Variants in ATP10B observed in about 807,000 individuals in gnomAD.
ATP10B encodes ATPase phospholipid transporting 10B (putative), also known as phospholipid-transporting ATPase VB.
In ATP10B, 122 loss-of-function variants were observed where a neutral mutation model predicts 141.2. That is an observed-to-expected ratio of 0.86 (90% confidence interval 0.75 to 1.00). ATP10B has a LOEUF of 1.00. Among genes scored for constraint, ATP10B ranks in the 50% least tolerant of loss-of-function variants. The probability of loss-of-function intolerance (pLI) is 0.00; values close to 1 mark genes in which losing one functional copy is unlikely to be tolerated. For missense variants in ATP10B, 1,876 were observed against 1,825.3 expected (o/e 1.03, Z -0.51); for synonymous variants, 685 against 692.0 (o/e 0.99, Z 0.16).
intron 24 of ATP10B, among the ~76,000 whole-genome samples, chr5:160,571,285 C>A (rs1159632358): frequency 2.0e-5 from 3 of 152,098 alleles, no homozygotes; most frequent in Non-Finnish European, 4.4e-5. Flanking sequence ...CCAAATACTT[C>A]TTTTGACCAA....
the ATP10B span, among the ~76,000 whole-genome samples, chr5:160,872,183 A>T: frequency 6.6e-6 from 1 of 152,030 alleles, no homozygotes; most frequent in Non-Finnish European, 1.5e-5. Context: ...CCATTTGTAT[A>T]TCTTCTTTTG....
chr5:160,707,877 C>T (rs564614102), intron 3 of ATP10B, among the ~76,000 whole-genome samples: 2 of 152,152 alleles, frequency 1.3e-5, no homozygotes, highest in Non-Finnish European at 2.9e-5. Flanking sequence ...AGCAGCACAT[C>T]GATAAATCAA....
intron 1 of ATP10B, among the ~76,000 whole-genome samples, chr5:160,820,366 A>G (rs1279353493): frequency 6.6e-6 from 1 of 152,104 alleles, no homozygotes; most frequent in Non-Finnish European, 1.5e-5. Flanking sequence ...ACAAGTAACA[A>G]GATTACAAGA....
chr5:160,634,282 TCTC>T lies in ATP10B; in HGVS notation c.1381+69_1381+71del, dbSNP rs760476988. The T allele has an allele frequency of 3.7e-6, 6 of 1,607,068 alleles. No homozygotes were observed. In the Middle Eastern group the frequency reaches 5.0e-4, roughly 133 times the overall value. On this transcript the variant is annotated intron_variant, in intron 12 of 25. Coordinates refer to ENST00000327245, the MANE Select transcript of ATP10B (RefSeq NM_025153.3). ...AAGAGAGCCAGGAGAATGTCTTTTA[TCTC>T]CTCGTTTCTTAGGAGAGCAGGGTAT...
chr5:160,748,360 T>A (rs1767946062), intron 2 of ATP10B, among the ~76,000 whole-genome samples: 1 of 152,192 alleles, frequency 6.6e-6, no homozygotes, highest in African/African-American at 2.4e-5. Context: ...TTTCCCTTCC[T>A]CATTGCTTAA....
At chr5:160,878,803 C>T in the ATP10B span, among the ~76,000 whole-genome samples, 2 of 151,436 alleles carry the variant, frequency 1.3e-5, no homozygotes, top group Non-Finnish European at 3.0e-5. Flanking sequence ...CATCACTGGC[C>T]ATCAGAGAAA....
rs73306687 is a variant in ATP10B at position 160,670,656 on chromosome 5, G to A, written c.482C>T (p.Thr161Ile). 3,755 of 1,613,336 alleles carry A rather than the reference G, an allele frequency of 2.3e-3. 84 individuals are homozygous for A. In the African/African-American group the frequency reaches 0.045, roughly 19 times the overall value. ...ATCCTTCCAGCACTTCTGCACATAG[G>A]TCTGCTCTTTTCTTGGGTGAGAGAA... is the stretch of plus-strand genomic sequence containing the variant. Reference protein sequence around the residue: ...NIRIYERKEQTYVQKCWKDVR... With the variant: ...NIRIYERKEQIYVQKCWKDVR... The change falls in exon 7 of 26, where the codon ACC (threonine) becomes ATC (isoleucine). Residue 161 changes from threonine (T) to isoleucine (I), a missense_variant. Thr to Ile is a moderately conservative substitution (Grantham distance 89, BLOSUM62 -1). Transcript: ENST00000327245.
At chr5:160,616,933 A>G (rs1758053529) in intron 16 of ATP10B, among the ~76,000 whole-genome samples, 1 of 152,220 alleles carries the variant, frequency 6.6e-6, no homozygotes, top group Non-Finnish European at 1.5e-5. Context: ...TCTCCATGAC[A>G]ACTGCATGAG....
chr5:160,612,493 T>C, intron 18 of ATP10B: 1 of 326,334 alleles, frequency 3.1e-6, no homozygotes, highest in Non-Finnish European at 5.6e-6. Flanking sequence ...TTGGGAGAGG[T>C]AAAACTTTCT....
intron 24 of ATP10B, among the ~76,000 whole-genome samples, 161 bp from the exon 25 acceptor site, chr5:160,569,844 C>G (rs1363760647): frequency 1.3e-5 from 2 of 152,172 alleles, no homozygotes; most frequent in Non-Finnish European, 2.9e-5. Flanking sequence ...AAAGCAAACA[C>G]CAGATTGCTG....
At chr5:160,905,729 T>TTA in the ATP10B span, among the ~76,000 whole-genome samples, 7 of 151,214 alleles carry the variant, frequency 4.6e-5, no homozygotes, top group African/African-American at 7.3e-5. Flanking sequence ...TATAATGTGT[T>TTA]AAAAAAAAAT....
Position 160,640,223 on chromosome 5 carries a change from C to T in ATP10B, c.1000+238G>A, listed in dbSNP as rs930935261. ...GTTTTCATTCCATGCTACGAGAGTGCCTGTGTTCAGTAAATATTTCTTGAC... is the reference window on the plus strand; with the variant it reads ...GTTTTCATTCCATGCTACGAGAGTGTCTGTGTTCAGTAAATATTTCTTGAC... On this transcript the variant is annotated intron_variant, in intron 10 of 25. Coordinates refer to ENST00000327245, the MANE Select transcript of ATP10B (RefSeq NM_025153.3). Among the ~76,000 whole-genome samples the T allele has an allele frequency of 2.0e-5, 3 of 152,182 alleles. 1 individual carries two copies. In the East Asian group the frequency reaches 5.8e-4, roughly 29 times the overall value.
chr5:160,717,731 A>G (rs1390151778), intron 2 of ATP10B, among the ~76,000 whole-genome samples: 1 of 152,162 alleles, frequency 6.6e-6, no homozygotes, highest in South Asian at 2.1e-4. Flanking sequence ...AAACCCTACA[A>G]TTCATGGGAG....
At chr5:160,733,000 T>C (rs1254121793) in intron 2 of ATP10B, among the ~76,000 whole-genome samples, 1 of 152,136 alleles carries the variant, frequency 6.6e-6, no homozygotes, top group Non-Finnish European at 1.5e-5. Flanking sequence ...TGAGCATCAT[T>C]GGTATTTTGA....
At chr5:160,917,909 G>A in the ATP10B span, among the ~76,000 whole-genome samples, 11 of 152,346 alleles carry the variant, frequency 7.2e-5, no homozygotes, top group African/African-American at 2.6e-4. Context: ...AAGCAGTGAA[G>A]GGGACACTGT....
At position 160,620,377 on chromosome 5, in the gene ATP10B, T is replaced by C. The variant is rs1376803398; in HGVS notation, c.2386A>G (p.Ile796Val). The C allele has an allele frequency of 2.5e-6, 4 of 1,613,216 alleles. No homozygotes were observed. In the South Asian group the frequency reaches 3.3e-5, roughly 13 times the overall value. The change falls in exon 15 of 26, where the codon ATC (isoleucine) becomes GTC (valine). Residue 796 changes from isoleucine (I) to valine (V), a missense_variant. Physicochemically the swap from Ile to Val is conservative, Grantham distance 29 (BLOSUM62 3). Transcript: ENST00000327245. ...GCTGGGTCTTCCAGCAGGTCCATGA[T>C]GACCGAGTCAGCACCCTTGGTGTAG... The part of the protein sequence containing the change: ...VVYTKGADSV[I>V]MDLLEDPACV...
At chr5:160,649,881 G>A (rs572761561) in intron 7 of ATP10B, among the ~76,000 whole-genome samples, 1 of 152,014 alleles carries the variant, frequency 6.6e-6, no homozygotes, top group South Asian at 2.1e-4. Context: ...ACTTTGGGAG[G>A]CTGAGGCAGG....
intron 2 of ATP10B, among the ~76,000 whole-genome samples, chr5:160,763,528 A>T (rs11956165): frequency 6.6e-6 from 1 of 151,782 alleles, no homozygotes; most frequent in Non-Finnish European, 1.5e-5. Flanking sequence ...AATAGTGACA[A>T]AACCTATCAA....
chr5:160,812,128 A>G (rs1469225227), intron 1 of ATP10B, among the ~76,000 whole-genome samples: 1 of 151,924 alleles, frequency 6.6e-6, no homozygotes, highest in Admixed American at 6.6e-5. Context: ...CTGCCTTGTA[A>G]TCCAGAAAAT....
Sources: allele counts gnomAD v4.1 joint callset (sites outside exome capture counted in the v4.1 genomes callset), GRCh38; gene constraint gnomAD v4.1.1; transcripts MANE v1.5; gene names NCBI Gene and HGNC (gene_info 2026-07-23, HGNC 2026-07-21).